Variants in GRIA3 observed in about 807,000 individuals in gnomAD.
The protein encoded by GRIA3 is glutamate ionotropic receptor AMPA type subunit 3, also known as glutamate receptor 3.
A neutral mutation model predicts 63.0 loss-of-function variants in GRIA3; 3 were observed. The observed-to-expected ratio is 0.05, with a 90% CI of 0.02 to 0.12. The LOEUF (loss-of-function observed/expected upper bound fraction) is 0.12. GRIA3 is among the 10% of genes least tolerant of loss of function. The probability of loss-of-function intolerance (pLI) is 1.00; values close to 1 mark genes in which losing one functional copy is unlikely to be tolerated. For missense variants in GRIA3, 347 were observed against 700.9 expected (o/e 0.50, Z 5.70); for synonymous variants, 274 against 257.9 (o/e 1.06, Z -0.60).
At chrX:123,482,560 C>T (rs963351013) in intron 14 of GRIA3, among the ~76,000 whole-genome samples, 11 of 111,532 alleles carry the variant, frequency 9.9e-5, no homozygotes, top group Non-Finnish European at 1.9e-4. Flanking sequence ...CACTAAGGAA[C>T]GTAAGGAGTC....
intron 7 of GRIA3, among the ~76,000 whole-genome samples, chrX:123,402,551 G>A (rs1360057110): frequency 9.0e-6 from 1 of 110,677 alleles, no homozygotes; most frequent in Non-Finnish European, 1.9e-5. Context: ...GCTACGATAT[G>A]AGTCCAGGTG....
chrX:123,407,658 TG>T (rs1325539469), intron 10 of GRIA3, among the ~76,000 whole-genome samples: 1 of 73,292 alleles, frequency 1.4e-5, no homozygotes, highest in Non-Finnish European at 2.3e-5. Context: ...ACCATCACCT[TG>T]GGGGTTAGGA....
At chrX:123,312,596 AT>A (rs777089261) in intron 3 of GRIA3, among the ~76,000 whole-genome samples, 1 of 111,655 alleles carries the variant, frequency 9.0e-6, no homozygotes, top group South Asian at 3.8e-4. Context: ...TCCCAGCTAG[AT>A]TTGAGGAGGA....
intron 3 of GRIA3, among the ~76,000 whole-genome samples, chrX:123,279,351 TAA>T (rs1300818726): frequency 9.0e-6 from 1 of 111,631 alleles, no homozygotes; most frequent in Non-Finnish European, 1.9e-5. Flanking sequence ...TTGAAAAATG[TAA>T]AGACAGTGGA....
intron 4 of GRIA3, among the ~76,000 whole-genome samples, chrX:123,332,501 C>A (rs1270723180): frequency 9.0e-6 from 1 of 111,011 alleles, no homozygotes; most frequent in Non-Finnish European, 1.9e-5. Context: ...AGTCATGCAA[C>A]CAATAATTGG....
chrX:123,373,398 G>A (rs1451875603), intron 5 of GRIA3, among the ~76,000 whole-genome samples: 1 of 111,570 alleles, frequency 9.0e-6, no homozygotes, highest in Non-Finnish European at 1.9e-5. Flanking sequence ...AGATGGCTGG[G>A]TCAAATGGTA....
At chrX:123,198,016 C>T (rs1275777863) in intron 2 of GRIA3, among the ~76,000 whole-genome samples, 1 of 112,402 alleles carries the variant, frequency 8.9e-6, no homozygotes, top group Admixed American at 9.4e-5. Flanking sequence ...ACTGTTCATT[C>T]TCCTCTGGAG....
chrX:123,483,111 C>CT (rs199682384), intron 15 of GRIA3, 65 bp downstream of exon 15: 20,306 of 705,186 alleles, frequency 0.029, 1 homozygote, highest in Non-Finnish European at 0.033. Context: ...TTTTTTTCTT[C>CT]TTTTTTTTTT....
chrX:123,327,450 G>A (rs1339767797), intron 4 of GRIA3, among the ~76,000 whole-genome samples: 2 of 111,389 alleles, frequency 1.8e-5, no homozygotes, highest in Non-Finnish European at 3.8e-5. Flanking sequence ...TAATCCCAGT[G>A]TACCTAGGGG....
chrX:123,444,435 C>T (rs993647716), intron 12 of GRIA3, among the ~76,000 whole-genome samples: 12 of 112,269 alleles, frequency 1.1e-4, no homozygotes, highest in African/African-American at 3.9e-4. Flanking sequence ...TGCACAACTC[C>T]TTATTCCTTA....
chrX:123,431,154 C>T (rs1035738729), intron 12 of GRIA3, among the ~76,000 whole-genome samples: 5 of 111,575 alleles, frequency 4.5e-5, no homozygotes, highest in African/African-American at 1.6e-4. Context: ...TCTTCCCGTG[C>T]TCACTCTATA....
Position 123,442,150 on chromosome X carries a change from C to T in GRIA3, c.2076+14011C>T, listed in dbSNP as rs191518585. ...AGGACACTTTCACTTTTAGAGTTGA[C>T]ATCCAGAAGACAACCATGGCTTCCC... is the stretch of plus-strand genomic sequence containing the variant. On this transcript the variant is annotated intron_variant, in intron 12 of 15. Transcript: ENST00000620443. Among the ~76,000 whole-genome samples the T allele has an allele frequency of 2.6e-4, 29 of 112,488 alleles. No homozygotes were observed. In the East Asian group the frequency reaches 7.6e-3, roughly 29 times the overall value.
At chrX:123,338,052 G>A (rs757867165) in intron 4 of GRIA3, among the ~76,000 whole-genome samples, 4 of 111,695 alleles carry the variant, frequency 3.6e-5, no homozygotes, top group East Asian at 2.8e-4. Context: ...CATGGCAACC[G>A]CCACCAAGCC....
At chrX:123,377,035 C>T (rs372292656) in intron 5 of GRIA3, among the ~76,000 whole-genome samples, 1 of 106,221 alleles carries the variant, frequency 9.4e-6, no homozygotes, top group Non-Finnish European at 1.9e-5. Flanking sequence ...CCCGGGTTCA[C>T]GCCATTCTCC....
chrX:123,286,343 A>T (rs896484024), intron 3 of GRIA3, among the ~76,000 whole-genome samples: 12 of 111,892 alleles, frequency 1.1e-4, no homozygotes, highest in Admixed American at 3.8e-4. Context: ...ACACCCTAAC[A>T]TCACAATTAA....
intron 2 of GRIA3, among the ~76,000 whole-genome samples, chrX:123,244,955 G>T (rs754359791): frequency 4.6e-4 from 52 of 112,362 alleles, no homozygotes; most frequent in Non-Finnish European, 7.7e-4. Context: ...GAAACAGAAA[G>T]AAGGAACAGT....
At position 123,326,127 on chromosome X, in the gene GRIA3, C is replaced by T; in HGVS notation, c.610C>T (p.Arg204Cys). The T allele has an allele frequency of 1.7e-6, 2 of 1,206,336 alleles. No individual in the cohort carries two copies. Among genetic ancestry groups the T allele is most frequent in the South Asian group, 1.8e-5 (1 of 56,841 alleles). Reference protein sequence around the residue: ...GNIKDVQEFRRIIEEMDRRQE... With the variant: ...GNIKDVQEFRCIIEEMDRRQE... ...CATAAAGGACGTCCAAGAATTCAGG[C>T]GCATCATTGAAGAAATGGACAGGAG... Residue 204 changes from arginine (R) to cysteine (C), a missense_variant, in exon 4 of 16, where the codon CGC (arginine) becomes TGC (cysteine). By Grantham distance (180) the Arg-to-Cys change is radical. This residue lies in a region of GRIA3 where 113 missense variants were observed against 130.6 expected (regional missense o/e 0.87). Transcript: ENST00000620443.
chrX:123,352,370 G>A (rs781516559), intron 4 of GRIA3, among the ~76,000 whole-genome samples: 8 of 112,588 alleles, frequency 7.1e-5, no homozygotes, highest in Admixed American at 1.9e-4. Context: ...GTAAGCCACC[G>A]CACCCAGCCT....
intron 7 of GRIA3, among the ~76,000 whole-genome samples, chrX:123,401,530 A>G (rs951944505): frequency 8.9e-6 from 1 of 111,846 alleles, no homozygotes; most frequent in African/African-American, 3.2e-5. Context: ...TCTTTTCTCT[A>G]ACTAGAAGTG....
Sources: allele counts gnomAD v4.1 joint callset (sites outside exome capture counted in the v4.1 genomes callset), GRCh38; gene constraint gnomAD v4.1.1; regional missense constraint gnomAD v4.1.1; transcripts MANE v1.5; gene names NCBI Gene and HGNC (gene_info 2026-07-23, HGNC 2026-07-21).